SUPT3H: variants seen among roughly 807,000 people sequenced by gnomAD.
SUPT3H encodes the protein SPT3 homolog, SAGA and STAGA complex component.
Under a neutral mutation model 44.3 loss-of-function variants are expected in SUPT3H, and 44 were observed. The observed-to-expected ratio is 0.99, with a 90% CI of 0.78 to 1.28. SUPT3H has a LOEUF of 1.28. SUPT3H is among the 50% of genes most tolerant of loss of function. The probability of loss-of-function intolerance (pLI) is 0.00; values close to 1 mark genes in which losing one functional copy is unlikely to be tolerated. For synonymous variants in SUPT3H, 124 were observed against 125.6 expected, an observed-to-expected ratio of 0.99 and a Z score of 0.09; for missense variants, 380 against 387.1, an observed-to-expected ratio of 0.98 and a Z score of 0.15.
intron 2 of SUPT3H, among the ~76,000 whole-genome samples, chr6:45,350,363 A>G (rs1026969154): frequency 2.6e-5 from 4 of 152,244 alleles, no homozygotes; most frequent in Non-Finnish European, 5.9e-5. Flanking sequence ...TTTCAAGTAC[A>G]CAATAAAATA....
chr6:44,851,874 T>C (rs1464403026), intron 10 of SUPT3H, among the ~76,000 whole-genome samples: 1 of 152,200 alleles, frequency 6.6e-6, no homozygotes, highest in Non-Finnish European at 1.5e-5. Flanking sequence ...ACTGTTTCTA[T>C]GGGAAAATCG....
At chr6:45,152,652 G>A (rs1004948910) in intron 2 of SUPT3H, among the ~76,000 whole-genome samples, 15 of 151,892 alleles carry the variant, frequency 9.9e-5, no homozygotes, top group African/African-American at 2.9e-4. Context: ...CACCACGCCC[G>A]GCTAATTTTT....
At chr6:45,045,885 T>C (rs1210116939) in intron 3 of SUPT3H, among the ~76,000 whole-genome samples, 1 of 152,192 alleles carries the variant, frequency 6.6e-6, no homozygotes, top group Non-Finnish European at 1.5e-5. Flanking sequence ...TTCTTGACAG[T>C]ATCTTTCAGA....
chr6:45,340,488 T>A (rs1789547648), intron 2 of SUPT3H, among the ~76,000 whole-genome samples: 1 of 151,964 alleles, frequency 6.6e-6, no homozygotes, highest in Non-Finnish European at 1.5e-5. Context: ...CACGCCCAGA[T>A]AATTTTGTAA....
chr6:45,178,924 A>G (rs1485776853), intron 2 of SUPT3H, among the ~76,000 whole-genome samples: 1 of 151,938 alleles, frequency 6.6e-6, no homozygotes, highest in East Asian at 1.9e-4. Flanking sequence ...CAGTGTGTAG[A>G]GGGAAATTTA....
At chr6:45,091,810 T>C (rs1583487494) in intron 3 of SUPT3H, among the ~76,000 whole-genome samples, 1 of 152,056 alleles carries the variant, frequency 6.6e-6, no homozygotes, top group African/African-American at 2.4e-5. Context: ...AAAAATGTTT[T>C]GGTCATTTAA....
intron 10 of SUPT3H, among the ~76,000 whole-genome samples, chr6:44,853,199 T>C: frequency 6.6e-6 from 1 of 152,224 alleles, no homozygotes; most frequent in East Asian, 1.9e-4. Flanking sequence ...GTGCTTTCAG[T>C]AAGGTTATAT....
At chr6:45,239,723 A>G (rs1218962996) in intron 2 of SUPT3H, among the ~76,000 whole-genome samples, 4 of 152,242 alleles carry the variant, frequency 2.6e-5, no homozygotes, top group African/African-American at 7.2e-5. Context: ...ATGATGCCCC[A>G]GGCTATACTA....
intron 10 of SUPT3H, among the ~76,000 whole-genome samples, chr6:44,880,212 C>A (rs1258594081): frequency 6.6e-6 from 1 of 151,962 alleles, no homozygotes; most frequent in Non-Finnish European, 1.5e-5. Flanking sequence ...TCTAGAATAA[C>A]CAGTTTAGAG....
intron 2 of SUPT3H, among the ~76,000 whole-genome samples, chr6:45,124,645 AAAAAG>A (rs1200182732): frequency 6.6e-6 from 1 of 151,962 alleles, no homozygotes; most frequent in Non-Finnish European, 1.5e-5. Context: ...TCAAAAAAAA[AAAAAG>A]AAAGAAAAAT....
chr6:45,323,321 C>CTTTATAA (rs1337819727), intron 2 of SUPT3H, among the ~76,000 whole-genome samples: 102 of 152,174 alleles, frequency 6.7e-4, no homozygotes, highest in African/African-American at 2.4e-3. Flanking sequence ...CAGCTAAGAG[C>CTTTATAA]ACAGTGGATT....
chr6:45,319,284 T>G (rs938781717), intron 2 of SUPT3H, among the ~76,000 whole-genome samples: 5 of 152,172 alleles, frequency 3.3e-5, no homozygotes, highest in Non-Finnish European at 7.4e-5. Context: ...AACAATCACT[T>G]TGGAACTTTA....
intron 3 of SUPT3H, chr6:45,098,770 T>C: frequency 2.0e-6 from 1 of 494,854 alleles, no homozygotes; most frequent in Non-Finnish European, 4.0e-6. Flanking sequence ...CACTACCAGT[T>C]TGGAGAGATG....
At chr6:44,809,282 A>G (rs1766355460), downstream of SUPT3H, 1 of 152,232 alleles carries the variant, frequency 6.6e-6, no homozygotes, top group South Asian at 2.1e-4. Context: ...CCATTCCACC[A>G]AGGGACTTTC....
At chr6:45,322,964 G>C (rs2150042894) in intron 2 of SUPT3H, 1 of 1,601,824 alleles carries the variant, frequency 6.2e-7, no homozygotes, top group Middle Eastern at 1.7e-4. Flanking sequence ...TTGATAAGCA[G>C]TTTCTAAAGG....
chr6:44,818,236 T>G (rs1767035937), intron 11 of SUPT3H, among the ~76,000 whole-genome samples: 1 of 151,714 alleles, frequency 6.6e-6, no homozygotes, highest in Non-Finnish European at 1.5e-5. Context: ...ATTGAAACTA[T>G]CTGACATCCA....
chr6:45,209,215 C>T (rs1317006314), intron 2 of SUPT3H, among the ~76,000 whole-genome samples: 1 of 152,188 alleles, frequency 6.6e-6, no homozygotes, highest in East Asian at 1.9e-4. Flanking sequence ...GCACAACATC[C>T]ATTCTGCAGC....
chr6:45,141,174 T>C (rs1308650442), intron 2 of SUPT3H, among the ~76,000 whole-genome samples: 1 of 151,458 alleles, frequency 6.6e-6, no homozygotes, highest in East Asian at 1.9e-4. Flanking sequence ...ACTCCATCTC[T>C]ACTAAAATTA....
At chr6:45,181,457 G>T (rs1813163473) in intron 2 of SUPT3H, among the ~76,000 whole-genome samples, 1 of 152,012 alleles carries the variant, frequency 6.6e-6, no homozygotes, top group Admixed American at 6.5e-5. Flanking sequence ...CATAGATTTG[G>T]AACCAACCCA....
Sources: allele counts gnomAD v4.1 joint callset (sites outside exome capture counted in the v4.1 genomes callset), GRCh38; gene constraint gnomAD v4.1.1; transcripts MANE v1.5; gene names NCBI Gene and HGNC (gene_info 2026-07-23, HGNC 2026-07-21).